The following LPO variants were observed in gnomAD, a reference collection of about 807,000 sequenced individuals.
LPO encodes the protein lactoperoxidase.
A neutral mutation model predicts 68.4 loss-of-function variants in LPO; 70 were observed. The observed-to-expected ratio is 1.02, with a 90% confidence interval of 0.84 to 1.25. The LOEUF is 1.25. Among genes scored for constraint, LPO ranks in the 50% most tolerant of loss-of-function variants. The probability of loss-of-function intolerance (pLI) is 0.00; values close to 1 mark genes in which losing one functional copy is unlikely to be tolerated. For synonymous variants in LPO, 360 were observed against 357.6 expected (o/e 1.01, Z -0.08); for missense variants, 873 against 908.4 (o/e 0.96, Z 0.50).
At chr17:58,253,083 T>A (rs550516635) in intron 8 of LPO, among the ~76,000 whole-genome samples, 2 of 149,302 alleles carry the variant, frequency 1.3e-5, no homozygotes, top group Non-Finnish European at 3.0e-5. Context: ...AAAAGAAAAT[T>A]CACACAATCC....
intron 1 of LPO, among the ~76,000 whole-genome samples, chr17:58,241,206 G>A (rs1296595023): frequency 6.8e-6 from 1 of 146,168 alleles, no homozygotes; most frequent in Non-Finnish European, 1.5e-5. Flanking sequence ...CACCTCCCAG[G>A]TTCAAGGGAT....
chr17:58,245,141 G>C (rs900252226), intron 3 of LPO, among the ~76,000 whole-genome samples: 3 of 152,182 alleles, frequency 2.0e-5, no homozygotes, highest in Admixed American at 1.3e-4. Context: ...AGGAATTAAA[G>C]TGTCAGCATA....
At position 58,244,027 on chromosome 17, in the gene LPO, C is replaced by T. The variant is rs1969807268; in HGVS notation, c.110C>T (p.Thr37Ile). The T allele has an allele frequency of 3.7e-6, 6 of 1,613,514 alleles. No individual in the cohort carries two copies. Among genetic ancestry groups the T allele is most frequent in the Non-Finnish European group, 5.1e-6 (6 of 1,179,926 alleles). Residue 37 changes from threonine (T) to isoleucine (I), a missense_variant, in exon 3 of 13, where the codon ACT becomes ATT. By Grantham distance (89) the Thr-to-Ile change is moderately conservative. Coordinates refer to ENST00000262290, the MANE Select transcript of LPO (RefSeq NM_006151.3). Reference sequence around the variant, plus strand: ...ACCAGAACCTCTGCCATCTCCGATACTGTGAGTCAGGCCAAGGTCCAAGTC... The same window carrying T: ...ACCAGAACCTCTGCCATCTCCGATATTGTGAGTCAGGCCAAGGTCCAAGTC... ...QTTRTSAISD[T>I]VSQAKVQVNK...
rs752404830 is a variant in LPO at position 58,266,165 on chromosome 17, C to T, written c.1532C>T (p.Pro511Leu). ...WRMVKDGGID[P>L]LVRGLLAKKS... is the part of the protein sequence containing the mutation. ...TCTCCCTTGGCAGGTGGAATTGATC[C>T]TCTGGTGCGGGGCCTGCTGGCCAAG... The change falls in exon 11 of 13, where the codon CCT (proline) becomes CTT (leucine). Residue 511 changes from proline (P) to leucine (L), a missense_variant. By Grantham distance (98) the Pro-to-Leu change is moderately conservative (BLOSUM62 -3). Coordinates refer to ENST00000262290, the MANE Select transcript of LPO (RefSeq NM_006151.3). The T allele has an allele frequency of 2.5e-6, 4 of 1,613,814 alleles. No individual in the cohort carries two copies. The highest frequency in any genetic ancestry group is 3.4e-6 in the Non-Finnish European group (4 of 1,179,952).
Position 58,249,521 on chromosome 17 carries a change from C to T in LPO, c.444-45C>T, listed in dbSNP as rs950232768. The T allele has an allele frequency of 5.7e-6, 9 of 1,587,624 alleles. 1 individual carries two copies. Among genetic ancestry groups the T allele is most frequent in the East Asian group, 2.3e-5 (1 of 44,350 alleles). The stretch of plus-strand genomic sequence containing the variant: ...CATGGGGTCCTGGGCTTTGGAGCCC[C>T]GGAGCCGGCCTGCCGAAGCTCAGCG... On this transcript the variant is annotated intron_variant, in intron 5 of 12. Coordinates refer to ENST00000262290, the MANE Select transcript of LPO (RefSeq NM_006151.3).
intron 4 of LPO, among the ~76,000 whole-genome samples, chr17:58,247,870 A>C (rs772126630): frequency 6.6e-6 from 1 of 152,218 alleles, no homozygotes; most frequent in Non-Finnish European, 1.5e-5. Context: ...GCAAGCTCAC[A>C]TGGCCGACTC....
Position 58,264,941 on chromosome 17 carries a change from CTCT to C in LPO, c.1492_1494del (p.Phe498del), listed in dbSNP as rs1970235055. 1 of 1,614,238 alleles carries C rather than the reference CTCT, an allele frequency of 6.2e-7. No homozygotes were observed. Among genetic ancestry groups the C allele is most frequent in the Non-Finnish European group, 8.5e-7 (1 of 1,180,040 alleles). On this transcript the variant is annotated inframe_deletion, in exon 10 of 13. Transcript: ENST00000262290. ...AGAACCAGAACTCCCCCTCCACACCCTCTTCTTCAACACTTGGAGGATGGTCAA... is the reference window on the plus strand; with the variant it reads ...AGAACCAGAACTCCCCCTCCACACCCTCTTCAACACTTGGAGGATGGTCAA...
At position 58,250,592 on chromosome 17, in the gene LPO, A is replaced by C. The variant is rs1346870276; in HGVS notation, c.751A>C (p.Ile251Leu). The change falls in exon 7 of 13, where the codon ATC (isoleucine) becomes CTC (leucine). Residue 251 changes from isoleucine (I) to leucine (L), a missense_variant. Physicochemically the swap from Ile to Leu is conservative, Grantham distance 5. Transcript: ENST00000262290. The stretch of plus-strand genomic sequence containing the variant: ...CAAAGCCCAGTGTGATGAGTACTGT[A>C]TCCAGGGAGACAACTGCTTCCCCAT... The part of the protein sequence containing the change: ...YSKAQCDEYC[I>L]QGDNCFPIMF... 1.9e-6 allele frequency: 3 copies of C among 1,613,990 alleles called. No individual in the cohort carries two copies. In the East Asian group the frequency reaches 6.7e-5, roughly 36 times the overall value.
intron 8 of LPO, 56 bp downstream of exon 8, chr17:58,252,562 C>A (rs1402583136): frequency 4.0e-6 from 6 of 1,508,896 alleles, no homozygotes; most frequent in South Asian, 1.2e-5. Context: ...TCCAGGGAAG[C>A]TTTACCACTG....
chr17:58,254,853 A>C lies in LPO; in HGVS notation c.1148A>C (p.His383Pro). The change falls in exon 9 of 13, where the codon CAC becomes CCC. Residue 383 changes from histidine (H) to proline (P), a missense_variant. Coordinates refer to ENST00000262290, the MANE Select transcript of LPO (RefSeq NM_006151.3). The stretch of plus-strand genomic sequence containing the variant: ...GAGCATATTCTGCTGGCCACATCCC[A>C]CACCCTCTTTCTCCGCGAGCATAAC... ...ASEHILLATS[H>P]TLFLREHNRL... 6.2e-7 allele frequency: 1 copy of C among 1,613,950 alleles called. No homozygotes were observed. The highest frequency in any genetic ancestry group is 8.5e-7 in the Non-Finnish European group (1 of 1,179,980).
At chr17:58,243,091 TGTCACA>T (rs1165908202) in intron 2 of LPO, 36 bp downstream of exon 2, 1 of 1,595,938 alleles carries the variant, frequency 6.3e-7, no homozygotes. Flanking sequence ...CTGGGGCTGC[TGTCACA>T]AAGCACACCA....
chr17:58,254,908 C>T lies in LPO; in HGVS notation c.1203C>T (p.Asn401=). ...NRLARELKRL[N]PQWDGEKLYQ... ...TGGCCAGAGAACTAAAGAGACTCAA[C>T]CCTCAGTGGGATGGAGAGAAGCTCT... is the stretch of plus-strand genomic sequence containing the variant. Residue 401 remains asparagine (N), a synonymous_variant, in exon 9 of 13, where the codon AAC becomes AAT. Transcript: ENST00000262290. The T allele has an allele frequency of 6.2e-7, 1 of 1,614,134 alleles. No individual in the cohort carries two copies. Among genetic ancestry groups the T allele is most frequent in the Non-Finnish European group, 8.5e-7 (1 of 1,180,022 alleles).
intron 3 of LPO, among the ~76,000 whole-genome samples, chr17:58,244,825 C>T (rs1328164181): frequency 1.3e-5 from 2 of 152,210 alleles, no homozygotes; most frequent in Non-Finnish European, 2.9e-5. Context: ...AGCAGATGCA[C>T]CCATGGCAGC....
rs540010287 is a variant in LPO, at chr17:58,267,518, G to A, written c.1863G>A (p.Arg621=). The A allele has an allele frequency of 3.5e-5, 57 of 1,614,182 alleles. No individual in the cohort carries two copies. The South Asian group carries it at 5.3e-4, about 15-fold the overall frequency. The change falls in exon 12 of 13, where the codon AGG becomes AGA. Residue 621 remains arginine (R), a synonymous_variant. Transcript: ENST00000262290. ...CCATTGCTGAGCCGCTGGTGGAAAGGGGTCGGGTGGGGCCTCTCCTGGCCT... is the reference window on the plus strand; with the variant it reads ...CCATTGCTGAGCCGCTGGTGGAAAGAGGTCGGGTGGGGCCTCTCCTGGCCT... ...IGAIAEPLVE[R]GRVGPLLACL...
At chr17:58,238,837 G>A (rs1969705370) in intron 1 of LPO, 98 bp downstream of exon 1, 1 of 152,102 alleles carries the variant, frequency 6.6e-6, no homozygotes, top group Non-Finnish European at 1.5e-5. Context: ...ATTTAGACTT[G>A]TCTCTATCAG....
chr17:58,244,212 C>T, intron 3 of LPO, 131 bp downstream of exon 3: 3 of 708,592 alleles, frequency 4.2e-6, no homozygotes, highest in Non-Finnish European at 7.4e-6. Context: ...AATGATAAAA[C>T]TTACCCTTCC....
chr17:58,250,087 C>T (rs986790085), intron 6 of LPO, among the ~76,000 whole-genome samples: 4 of 152,180 alleles, frequency 2.6e-5, no homozygotes. Context: ...CTGGCACCTC[C>T]GTAGCTCGCA....
At position 58,243,042 on chromosome 17, in the gene LPO, A is replaced by G; in HGVS notation, c.63A>G (p.Ala21=). 1 of 1,614,004 alleles carries G rather than the reference A, an allele frequency of 6.2e-7. No individual in the cohort carries two copies. Among genetic ancestry groups the G allele is most frequent in the Non-Finnish European group, 8.5e-7 (1 of 1,180,002 alleles). Residue 21 remains alanine (A), a synonymous_variant, in exon 2 of 13, where the codon GCA becomes GCG. Transcript: ENST00000262290. ...CCCTCATCTTGCTTCAGGCTGCAGC[A>G]TCTACCACAAGAGGTGAGTGTCTCC... ...LASLILLQAA[A]STTRAQTTRT...
chr17:58,262,591 C>T (rs936426589), intron 9 of LPO, among the ~76,000 whole-genome samples: 2 of 152,166 alleles, frequency 1.3e-5, no homozygotes, highest in African/African-American at 2.4e-5. Flanking sequence ...CAGGATTTCA[C>T]CATGTTGGCC....
Sources: gnomAD v4.1 joint callset for allele counts (sites outside exome capture counted in the v4.1 genomes callset) on GRCh38, gnomAD v4.1.1 for gene constraint, MANE v1.5 for transcripts, NCBI Gene and HGNC (gene_info 2026-07-23, HGNC 2026-07-21) for gene names.